RBFOX1: variants seen among roughly 807,000 people sequenced by gnomAD.
RBFOX1 encodes the protein RNA binding fox-1 homolog 1.
A neutral mutation model predicts 57.7 loss-of-function variants in RBFOX1; 8 were observed. That is an observed-to-expected ratio of 0.14 (90% CI 0.08 to 0.25). The LOEUF (loss-of-function observed/expected upper bound fraction) is 0.25, where lower values mean the gene tolerates loss of function less well. Ranked by LOEUF, RBFOX1 falls within the 10% of genes least tolerant of loss-of-function variation. RBFOX1 has a pLI of 1.00. For synonymous variants in RBFOX1, 326 were observed against 222.4 expected, an observed-to-expected ratio of 1.47 and a Z score of -4.15; for missense variants, 611 against 548.5, an observed-to-expected ratio of 1.11 and a Z score of -1.14.
intron 4 of RBFOX1, among the ~76,000 whole-genome samples, chr16:7,357,234 G>GA (rs60020210): frequency 0.25 from 35,678 of 141,074 alleles, 4,823 homozygotes; most frequent in African/African-American, 0.38. Context: ...AGGAGAAATG[G>GA]AAAAAAAAAA....
intron 3 of RBFOX1, among the ~76,000 whole-genome samples, chr16:5,762,489 C>G (rs1262036611): frequency 6.6e-6 from 1 of 152,144 alleles, no homozygotes; most frequent in Non-Finnish European, 1.5e-5. Flanking sequence ...GGCAATAAGA[C>G]TAATATGCTC....
rs746788433 is a variant in RBFOX1 at position 6,142,462 on chromosome 16, T to C, written c.-127+122470T>C. 6.6e-5 allele frequency among the ~76,000 whole-genome samples: 10 copies of C among 151,976 alleles called. No homozygotes were observed. In the East Asian group the frequency reaches 9.7e-4, roughly 15 times the overall value. On this transcript the variant is annotated intron_variant, in intron 1 of 15. Coordinates refer to ENST00000550418, the MANE Select transcript of RBFOX1 (RefSeq NM_018723.4). ...GGTCTCGATCTCCTGACCTTGTGAT[T>C]CGCCCGCCTCGGCCTCCCAAAGCGC...
intron 3 of RBFOX1, among the ~76,000 whole-genome samples, chr16:5,655,019 G>A (rs749103122): frequency 3.3e-5 from 5 of 152,148 alleles, no homozygotes; most frequent in Non-Finnish European, 7.3e-5. Context: ...TCCAGCCTAC[G>A]CTTCCTACCC....
chr16:7,210,754 G>C (rs536791514), intron 4 of RBFOX1, among the ~76,000 whole-genome samples: 2 of 152,006 alleles, frequency 1.3e-5, no homozygotes, highest in Non-Finnish European at 2.9e-5. Flanking sequence ...GGTTCAGGGA[G>C]GTTAAATGAC....
chr16:6,247,611 C>G (rs896223550), intron 1 of RBFOX1, among the ~76,000 whole-genome samples: 3 of 152,110 alleles, frequency 2.0e-5, no homozygotes, highest in African/African-American at 7.2e-5. Flanking sequence ...TGCAAAACAA[C>G]CCTACAGGAG....
At chr16:7,664,386 A>G (rs1370950245) in intron 12 of RBFOX1, among the ~76,000 whole-genome samples, 2 of 152,230 alleles carry the variant, frequency 1.3e-5, no homozygotes, top group African/African-American at 4.8e-5. Context: ...ATTACCAAAT[A>G]TAATACAATG....
At chr16:6,481,940 G>C (rs919361966) in intron 2 of RBFOX1, among the ~76,000 whole-genome samples, 1 of 151,954 alleles carries the variant, frequency 6.6e-6, no homozygotes, top group Non-Finnish European at 1.5e-5. Context: ...ATCCCTCCTC[G>C]TTTTGTTCCT....
At chr16:6,626,167 A>T (rs1321626614) in intron 2 of RBFOX1, among the ~76,000 whole-genome samples, 1 of 144,044 alleles carries the variant, frequency 6.9e-6, no homozygotes, top group East Asian at 2.0e-4. Context: ...CCCAAATTGC[A>T]TAGTTGGTTC....
chr16:6,436,884 C>G (rs1270743800), intron 2 of RBFOX1, among the ~76,000 whole-genome samples: 3 of 152,124 alleles, frequency 2.0e-5, no homozygotes, highest in Admixed American at 2.0e-4. Flanking sequence ...GACATTTAAG[C>G]AAACTGATAA....
At chr16:6,646,344 CT>C (rs2098534772) in intron 2 of RBFOX1, among the ~76,000 whole-genome samples, 1 of 152,110 alleles carries the variant, frequency 6.6e-6, no homozygotes, top group Non-Finnish European at 1.5e-5. Flanking sequence ...AGATGACAAA[CT>C]AACAATATCA....
At chr16:6,837,078 T>A (rs1248673906) in intron 3 of RBFOX1, among the ~76,000 whole-genome samples, 4 of 152,198 alleles carry the variant, frequency 2.6e-5, no homozygotes, top group African/African-American at 9.7e-5. Flanking sequence ...AAATGATATA[T>A]ATTGGTTAAC....
Position 7,579,884 on chromosome 16 carries a change from C to T in RBFOX1, c.378C>T (p.Phe126=). The change falls in exon 6 of 16, where the codon TTC becomes TTT. Residue 126 remains phenylalanine, a synonymous_variant. Coordinates refer to ENST00000550418, the MANE Select transcript of RBFOX1 (RefSeq NM_018723.4). ...GGCTGCATGTCTCCAATATCCCCTT[C>T]AGGTTCCGGGATCCGGACCTCAGAC... is the stretch of plus-strand genomic sequence containing the variant. ...PKRLHVSNIP[F]RFRDPDLRQM... is the part of the protein sequence containing the mutation. 2 of 1,614,116 alleles carry T rather than the reference C, an allele frequency of 1.2e-6. No individual in the cohort carries two copies. The highest frequency in any genetic ancestry group is 1.7e-6 in the Non-Finnish European group (2 of 1,179,972).
At chr16:5,987,526 C>G (rs2060306519) in intron 4 of RBFOX1, among the ~76,000 whole-genome samples, 1 of 152,086 alleles carries the variant, frequency 6.6e-6, no homozygotes, top group African/African-American at 2.4e-5. Context: ...AGGTTGTGAT[C>G]TATTCTGTTA....
intron 1 of RBFOX1, among the ~76,000 whole-genome samples, chr16:5,383,633 A>G (rs1372213085): frequency 4.6e-5 from 7 of 152,234 alleles, no homozygotes; most frequent in African/African-American, 1.4e-4. Flanking sequence ...AGGTGCTCAT[A>G]AAAGCATTTT....
chr16:6,349,654 T>C (rs944391530), intron 2 of RBFOX1, among the ~76,000 whole-genome samples: 4 of 152,176 alleles, frequency 2.6e-5, no homozygotes, highest in African/African-American at 9.7e-5. Context: ...AGAACACATC[T>C]TCATCTCTAG....
At chr16:7,596,583 T>A (rs892768046) in intron 8 of RBFOX1, among the ~76,000 whole-genome samples, 2 of 151,928 alleles carry the variant, frequency 1.3e-5, no homozygotes, top group African/African-American at 4.8e-5. Flanking sequence ...TATATCTATA[T>A]ACATATATAT....
chr16:5,978,687 T>TTTG (rs940153284), intron 4 of RBFOX1, among the ~76,000 whole-genome samples: 1 of 150,084 alleles, frequency 6.7e-6, no homozygotes, highest in Non-Finnish European at 1.5e-5. Flanking sequence ...TGTTTTTTTT[T>TTTG]TTGTTGTTGT....
At chr16:5,719,227 G>A (rs1318357251) in intron 3 of RBFOX1, among the ~76,000 whole-genome samples, 1 of 142,486 alleles carries the variant, frequency 7.0e-6, no homozygotes. Flanking sequence ...TTTTTGAGAC[G>A]GAGTCTTGCC....
intron 1 of RBFOX1, among the ~76,000 whole-genome samples, chr16:6,068,165 A>G (rs1409963427): frequency 3.3e-5 from 5 of 152,102 alleles, no homozygotes; most frequent in African/African-American, 1.2e-4. Context: ...TGTGTTTCTT[A>G]TACGTCTGCT....
Sources: allele counts gnomAD v4.1 joint callset (sites outside exome capture counted in the v4.1 genomes callset), GRCh38; gene constraint gnomAD v4.1.1; transcripts MANE v1.5; gene names NCBI Gene and HGNC (gene_info 2026-07-23, HGNC 2026-07-21).